Variants in MINK1 observed in about 807,000 individuals in gnomAD.
MINK1 encodes the protein misshapen like kinase 1.
A neutral mutation model predicts 178.4 loss-of-function variants in MINK1; 46 were observed. The observed-to-expected ratio is 0.26, with a 90% CI of 0.20 to 0.33. The LOEUF is 0.33. Ranked by LOEUF, MINK1 falls within the 10% of genes least tolerant of loss-of-function variation. The pLI, the probability that MINK1 is intolerant of heterozygous loss-of-function variation, is 1.00. For synonymous variants in MINK1, 797 were observed against 709.7 expected (o/e 1.12, Z -1.96); for missense variants, 1,366 against 1,814.9 (o/e 0.75, Z 4.49).
At chr17:4,872,874 T>C (rs1051325609) in intron 1 of MINK1, among the ~76,000 whole-genome samples, 14 of 152,216 alleles carry the variant, frequency 9.2e-5, no homozygotes, top group African/African-American at 3.4e-4. Context: ...TGTCTGACTT[T>C]GCTGCCAGCT....
intron 1 of MINK1, among the ~76,000 whole-genome samples, chr17:4,852,076 T>C (rs892562838): frequency 1.3e-5 from 2 of 149,508 alleles, no homozygotes; most frequent in Non-Finnish European, 3.0e-5. Flanking sequence ...ATATAAATTA[T>C]GAGGTGCTGA....
In MINK1 at chr17:4,892,699, G is replaced by A; in HGVS notation, c.2242G>A (p.Asp748Asn). 6.2e-7 allele frequency: 1 copy of A among 1,611,974 alleles called. No individual in the cohort carries two copies. Among genetic ancestry groups the A allele is most frequent in the East Asian group, 2.2e-5 (1 of 44,888 alleles). ...RRSDPGWERSDSVLPASHGHL... is the reference protein window; with the variant it reads ...RRSDPGWERSNSVLPASHGHL... Reference sequence around the variant, plus strand: ...GAGCGACCCTGGCTGGGAACGCTCGGACAGCGTCCTTCCAGCCTCTCACGG... The same window carrying A: ...GAGCGACCCTGGCTGGGAACGCTCGAACAGCGTCCTTCCAGCCTCTCACGG... The change falls in exon 19 of 32, where the codon GAC (aspartate) becomes AAC (asparagine). Residue 748 changes from aspartate to asparagine, a missense_variant. By Grantham distance (23) the Asp-to-Asn change is conservative (BLOSUM62 1). Transcript: ENST00000355280.
intron 1 of MINK1, among the ~76,000 whole-genome samples, chr17:4,874,906 A>G (rs1203350558): frequency 5.9e-5 from 9 of 152,170 alleles, no homozygotes; most frequent in Admixed American, 5.9e-4. Context: ...TTGGGAGTCA[A>G]GGTTACAAAA....
chr17:4,863,246 A>AGCCAT (rs1274093641), intron 1 of MINK1, among the ~76,000 whole-genome samples: 1 of 152,092 alleles, frequency 6.6e-6, no homozygotes, highest in African/African-American at 2.4e-5. Flanking sequence ...CTCCCCCTGT[A>AGCCAT]GTTCCCATGC....
intron 1 of MINK1, among the ~76,000 whole-genome samples, chr17:4,843,435 G>A (rs552472555): frequency 7.3e-5 from 11 of 151,096 alleles, no homozygotes; most frequent in African/African-American, 1.5e-4. Context: ...CCTAGATTGC[G>A]TCACTGCACT....
At chr17:4,868,372 T>C (rs2150930520) in intron 1 of MINK1, among the ~76,000 whole-genome samples, 1 of 152,308 alleles carries the variant, frequency 6.6e-6, no homozygotes, top group East Asian at 1.9e-4. Flanking sequence ...GTTTCTTCTA[T>C]CCACCTGTAT....
chr17:4,885,859 G>T lies in MINK1; in HGVS notation c.640-52G>T, dbSNP rs184971708. 6.9e-6 allele frequency: 11 copies of T among 1,595,832 alleles called. No homozygotes were observed. The East Asian group carries it at 2.5e-4, about 36-fold the overall frequency. ...CCAGGATGGTGGGTGAAGAGAGGTT[G>T]CAGGGCAGAGTTGTCAGGAATATTC... On this transcript the variant is annotated intron_variant, in intron 7 of 31. Transcript: ENST00000355280. The surrounding 1 kb of genome is among the most constrained non-coding windows in gnomAD (Gnocchi z 5.0).
intron 2 of MINK1, among the ~76,000 whole-genome samples, 193 bp from the exon 3 acceptor site, chr17:4,880,791 C>G (rs1350683025): frequency 6.6e-6 from 1 of 151,758 alleles, no homozygotes; most frequent in East Asian, 2.0e-4. Flanking sequence ...TCCCAGCTAT[C>G]CGGGAGGCTG....
chr17:4,841,225 C>T (rs777228938), intron 1 of MINK1, among the ~76,000 whole-genome samples: 2 of 152,106 alleles, frequency 1.3e-5, no homozygotes, highest in African/African-American at 2.4e-5. Flanking sequence ...CGGGCACTTC[C>T]GCCAGTGGTT....
In MINK1 at chr17:4,892,648, C is replaced by A; in HGVS notation, c.2199-8C>A. The A allele has an allele frequency of 6.3e-6, 10 of 1,595,646 alleles. No individual in the cohort carries two copies. The highest frequency in any genetic ancestry group is 7.7e-6 in the Non-Finnish European group (9 of 1,169,572). On this transcript the variant is annotated splice_region_variant and splice_polypyrimidine_tract_variant and intron_variant, in intron 18 of 31. Transcript: ENST00000355280. Reference sequence around the variant, plus strand: ...GCCTCCCTGACCCTGACTCTGCCCCCCCAACAGTAACCCCGACCTCAGGAG... The same window carrying A: ...GCCTCCCTGACCCTGACTCTGCCCCACCAACAGTAACCCCGACCTCAGGAG...
chr17:4,895,533 C>G lies in MINK1; in HGVS notation c.3229+40C>G. The G allele has an allele frequency of 1.3e-6, 2 of 1,552,052 alleles. No individual in the cohort carries two copies. The highest frequency in any genetic ancestry group is 1.7e-6 in the Non-Finnish European group (2 of 1,145,272). On this transcript the variant is annotated intron_variant, in intron 26 of 31. Transcript: ENST00000355280. The surrounding 1 kb of genome is among the most constrained non-coding windows in gnomAD (Gnocchi z 4.3). Reference sequence around the variant, plus strand: ...AGTGGGGGAGGGAGGAGGGGCTCAGCTCCTTGGCGCTGTCACCATCTTCTG... The same window carrying G: ...AGTGGGGGAGGGAGGAGGGGCTCAGGTCCTTGGCGCTGTCACCATCTTCTG...
intron 1 of MINK1, among the ~76,000 whole-genome samples, chr17:4,858,764 G>C (rs1156640934): frequency 6.6e-6 from 1 of 152,078 alleles, no homozygotes; most frequent in Non-Finnish European, 1.5e-5. Context: ...TCCCGCTTCC[G>C]CATCTGTTTT....
At position 4,884,366 on chromosome 17, in the gene MINK1, G is replaced by A; in HGVS notation, c.310G>A (p.Val104Met). Residue 104 changes from valine to methionine, a missense_variant, in exon 5 of 32, where the codon GTG (valine) becomes ATG (methionine). By Grantham distance (21) the Val-to-Met change is conservative (BLOSUM62 1). This residue lies in a region of MINK1 where 109 missense variants were observed against 369.4 expected (regional missense o/e 0.30). Transcript: ENST00000355280. ...CGGTACCTTCCTGGGATCCTAGCTG[G>A]TGATGGAGTTCTGTGGTGCTGGTTC... ...PPGNDDQLWL[V>M]MEFCGAGSVT... 1 of 1,613,690 alleles carries A rather than the reference G, an allele frequency of 6.2e-7. No individual in the cohort carries two copies. The highest frequency in any genetic ancestry group is 2.2e-5 in the East Asian group (1 of 44,884).
At chr17:4,869,796 T>C (rs952470113) in intron 1 of MINK1, among the ~76,000 whole-genome samples, 14 of 144,534 alleles carry the variant, frequency 9.7e-5, no homozygotes, top group African/African-American at 3.5e-4. Flanking sequence ...ATTTATTCAT[T>C]TTTATTTTAT....
At chr17:4,884,815 C>T (rs1968048510) in intron 5 of MINK1, 97 bp from the exon 6 acceptor site, 1 of 1,077,634 alleles carries the variant, frequency 9.3e-7, no homozygotes, top group Non-Finnish European at 1.4e-6. Context: ...CAGCCCTGTC[C>T]AGACTGACTG....
intron 1 of MINK1, among the ~76,000 whole-genome samples, chr17:4,873,163 C>T (rs1364138560): frequency 1.3e-5 from 2 of 152,256 alleles, no homozygotes; most frequent in East Asian, 3.8e-4. Context: ...GCTGCTCTCA[C>T]GTGTTGCCCT....
chr17:4,892,489 C>T lies in MINK1; in HGVS notation c.2175C>T (p.Pro725=). ...AGCCTCCAGGGCCCCCTGCTCAGCC[C>T]CCTGGCCCGCCCAACGCCTCTAGGT... ...TPKPPGPPAQ[P]PGPPNASSNP... The change falls in exon 18 of 32, where the codon CCC becomes CCT. Residue 725 remains proline (P), a synonymous_variant. Transcript: ENST00000355280. 1 of 1,561,478 alleles carries T rather than the reference C, an allele frequency of 6.4e-7. No individual in the cohort carries two copies. Among genetic ancestry groups the T allele is most frequent in the South Asian group, 1.2e-5 (1 of 85,098 alleles).
Position 4,887,641 on chromosome 17 carries a change from GA to G in MINK1, c.1085del (p.Asn362IlefsTer8). 6.4e-7 allele frequency: 1 copy of G among 1,568,376 alleles called. No individual in the cohort carries two copies. Among genetic ancestry groups the G allele is most frequent in the South Asian group, 1.2e-5 (1 of 84,914 alleles). Reference protein sequence around the residue: ...LRREFLRLQQENKSNSEALKQ... With the variant: ...LRREFLRLQQXNKSNSEALKQ... ...CCGGGAGTTTCTCCGGCTCCAGCAG[GA>G]AAATAAGAGCAACTCAGAGGCTTTA... is the stretch of plus-strand genomic sequence containing the variant. On this transcript the variant is annotated frameshift_variant, in exon 12 of 32. Transcript: ENST00000355280. LOFTEE classifies it high-confidence loss of function. This position sits in a 1 kb window ranked among gnomAD's most constrained non-coding sequence, Gnocchi z 7.6.
rs1326124193 is a variant in MINK1, at chr17:4,878,304, C to T, written c.58-13C>T. 3.9e-6 allele frequency: 6 copies of T among 1,536,378 alleles called. No individual in the cohort carries two copies. Among genetic ancestry groups the T allele is most frequent in the Non-Finnish European group, 8.7e-7 (1 of 1,146,186 alleles). ...AAGTCTTGACACAGTATTCTTCTGT[C>T]TCCTGCCCCTAGGACCCTGCTGGGA... is the stretch of plus-strand genomic sequence containing the variant. On this transcript the variant is annotated splice_polypyrimidine_tract_variant and intron_variant, in intron 1 of 31. Transcript: ENST00000355280.
Sources: allele counts gnomAD v4.1 joint callset (sites outside exome capture counted in the v4.1 genomes callset), GRCh38; gene constraint gnomAD v4.1.1; regional missense constraint gnomAD v4.1.1; non-coding constraint Gnocchi (gnomAD v3.1); transcripts MANE v1.5; gene names NCBI Gene and HGNC (gene_info 2026-07-23, HGNC 2026-07-21).